MDGA2: variants seen among roughly 807,000 people sequenced by gnomAD.
MDGA2 encodes the protein MAM domain containing glycosylphosphatidylinositol anchor 2.
MDGA2 carries 40 observed loss-of-function variants against 117.8 expected under a neutral mutation model. The ratio of observed to expected loss-of-function variants is 0.34; its 90% CI spans 0.26 to 0.44. The LOEUF is 0.44. Ranked by LOEUF, MDGA2 falls within the 20% of genes least tolerant of loss-of-function variation. The pLI is 1.00. For synonymous variants in MDGA2, 452 were observed against 439.0 expected (o/e 1.03, Z -0.37); for missense variants, 1,123 against 1,250.6 (o/e 0.90, Z 1.54).
intron 7 of MDGA2, among the ~76,000 whole-genome samples, chr14:47,040,296 C>T (rs61992829): frequency 6.6e-6 from 1 of 151,992 alleles, no homozygotes; most frequent in Admixed American, 6.6e-5. Flanking sequence ...ACACTAACAG[C>T]GGTTCTCTCT....
At chr14:47,394,523 G>A (rs1356586164) in intron 1 of MDGA2, among the ~76,000 whole-genome samples, 2 of 152,152 alleles carry the variant, frequency 1.3e-5, no homozygotes, top group Non-Finnish European at 2.9e-5. Flanking sequence ...ATAGTCTTAA[G>A]TTTAAACAAG....
intron 1 of MDGA2, among the ~76,000 whole-genome samples, chr14:47,441,304 C>T (rs1043833254): frequency 4.6e-5 from 7 of 152,036 alleles, no homozygotes; most frequent in African/African-American, 1.7e-4. Context: ...GCAGGTAGCA[C>T]TGAGCCGGAC....
At chr14:47,109,109 A>T (rs1202895320) in intron 5 of MDGA2, among the ~76,000 whole-genome samples, 1 of 152,180 alleles carries the variant, frequency 6.6e-6, no homozygotes, top group Non-Finnish European at 1.5e-5. Context: ...GCTCCCATAG[A>T]GAGAAAAATC....
chr14:47,640,761 A>G (rs1897408148), intron 1 of MDGA2, among the ~76,000 whole-genome samples: 1 of 152,010 alleles, frequency 6.6e-6, no homozygotes, highest in African/African-American at 2.4e-5. Flanking sequence ...GTCCCTCAAT[A>G]TTTCTGATGC....
intron 3 of MDGA2, among the ~76,000 whole-genome samples, chr14:47,205,875 G>T (rs1354940030): frequency 6.6e-6 from 1 of 151,954 alleles, no homozygotes; most frequent in African/African-American, 2.4e-5. Flanking sequence ...TTACCACTGT[G>T]TTCCCAGCAC....
intron 8 of MDGA2, among the ~76,000 whole-genome samples, chr14:46,964,590 C>T (rs963680217): frequency 5.9e-5 from 9 of 152,204 alleles, no homozygotes; most frequent in South Asian, 2.1e-4. Flanking sequence ...CAAAGGTATC[C>T]GGGAGCCAGA....
intron 1 of MDGA2, among the ~76,000 whole-genome samples, chr14:47,507,860 T>C (rs1397368164): frequency 2.6e-5 from 4 of 152,212 alleles, no homozygotes; most frequent in Admixed American, 2.0e-4. Context: ...GGTTACTCTT[T>C]ATACTCTGCT....
chr14:46,861,849 C>T (rs1047903638), intron 14 of MDGA2, among the ~76,000 whole-genome samples: 24 of 151,874 alleles, frequency 1.6e-4, no homozygotes, highest in Admixed American at 6.6e-5. Context: ...AAAGAGAAAT[C>T]AGTGCCAAAA....
intron 7 of MDGA2, among the ~76,000 whole-genome samples, chr14:47,058,051 C>G: frequency 6.6e-6 from 1 of 152,108 alleles, no homozygotes; most frequent in East Asian, 1.9e-4. Flanking sequence ...AAATGTGGCT[C>G]TGTCATTTAA....
At chr14:47,607,140 T>C (rs1167732444) in intron 1 of MDGA2, among the ~76,000 whole-genome samples, 1 of 152,158 alleles carries the variant, frequency 6.6e-6, no homozygotes, top group Non-Finnish European at 1.5e-5. Context: ...GAAAAAAACC[T>C]ATGGTTCTCT....
intron 8 of MDGA2, among the ~76,000 whole-genome samples, chr14:46,985,886 C>CT (rs1886841242): frequency 6.6e-6 from 1 of 152,040 alleles, no homozygotes; most frequent in Non-Finnish European, 1.5e-5. Context: ...CCTTATTCAC[C>CT]TTATTGAGAG....
chr14:47,403,972 C>A (rs145677860), intron 1 of MDGA2, among the ~76,000 whole-genome samples: 1 of 152,104 alleles, frequency 6.6e-6, no homozygotes, highest in African/African-American at 2.4e-5. Context: ...TCTCACCATA[C>A]AGCTGCACAA....
At chr14:47,612,530 C>T (rs540701621) in intron 1 of MDGA2, among the ~76,000 whole-genome samples, 8 of 152,080 alleles carry the variant, frequency 5.3e-5, no homozygotes, top group African/African-American at 1.7e-4. Flanking sequence ...CCTCCGTCAT[C>T]TCAATTTTAA....
intron 8 of MDGA2, among the ~76,000 whole-genome samples, chr14:46,977,346 T>C (rs1350993508): frequency 2.6e-5 from 4 of 151,824 alleles, no homozygotes; most frequent in Non-Finnish European, 5.9e-5. Context: ...AAATTTCTAA[T>C]ATTTTTTTCC....
chr14:47,450,943 C>T (rs1893229130), intron 1 of MDGA2, among the ~76,000 whole-genome samples: 1 of 152,040 alleles, frequency 6.6e-6, no homozygotes, highest in Admixed American at 6.6e-5. Context: ...GGGGCAGGTG[C>T]TCTCAACTTC....
At chr14:47,516,089 A>G (rs1009271065) in intron 1 of MDGA2, among the ~76,000 whole-genome samples, 2 of 152,296 alleles carry the variant, frequency 1.3e-5, no homozygotes, top group Admixed American at 6.5e-5. Flanking sequence ...TCTTAGGCAC[A>G]AAGTCCATTT....
At chr14:47,225,215 G>A (rs545611748) in intron 2 of MDGA2, among the ~76,000 whole-genome samples, 18 of 152,094 alleles carry the variant, frequency 1.2e-4, no homozygotes, top group Admixed American at 5.2e-4. Flanking sequence ...CTGTTGGTGG[G>A]ACTGTAAACT....
At chr14:47,317,858 C>A (rs1386179519) in intron 1 of MDGA2, among the ~76,000 whole-genome samples, 1 of 152,086 alleles carries the variant, frequency 6.6e-6, no homozygotes, top group Non-Finnish European at 1.5e-5. Flanking sequence ...CTGTGCCCAG[C>A]TGTCTACTTG....
At chr14:47,461,210 A>G (rs1274512639) in intron 1 of MDGA2, among the ~76,000 whole-genome samples, 2 of 151,686 alleles carry the variant, frequency 1.3e-5, no homozygotes, top group Admixed American at 6.6e-5. Flanking sequence ...AATTACTTCA[A>G]TGAAAGAGTC....
Sources: gnomAD v4.1 joint callset for allele counts (sites outside exome capture counted in the v4.1 genomes callset) on GRCh38, gnomAD v4.1.1 for gene constraint, MANE v1.5 for transcripts, NCBI Gene and HGNC (gene_info 2026-07-23, HGNC 2026-07-21) for gene names.